The following HSD17B12 variants were observed in gnomAD, a reference collection of about 807,000 sequenced individuals.
The protein encoded by HSD17B12 is very-long-chain 3-oxoacyl-CoA reductase.
A neutral mutation model predicts 39.3 loss-of-function variants in HSD17B12; 32 were observed. The observed-to-expected ratio is 0.81, with a 90% confidence interval of 0.61 to 1.09. The LOEUF is 1.09. HSD17B12 is among the 50% of genes least tolerant of loss of function. HSD17B12 has a pLI of 0.00. For missense variants in HSD17B12, 342 were observed against 382.9 expected (o/e 0.89, Z 0.89); for synonymous variants, 150 against 146.7 (o/e 1.02, Z -0.16).
chr11:43,758,088 A>G (rs1950527553), intron 3 of HSD17B12, among the ~76,000 whole-genome samples: 1 of 152,210 alleles, frequency 6.6e-6, no homozygotes, highest in Non-Finnish European at 1.5e-5. Flanking sequence ...TCCAAGTTCC[A>G]AGTTTCAGTC....
At chr11:43,580,760 TA>T in the HSD17B12 span, among the ~76,000 whole-genome samples, 1 of 152,048 alleles carries the variant, frequency 6.6e-6, no homozygotes. Flanking sequence ...TGTTCCAGTC[TA>T]GGTTTTGTTG....
intron 4 of HSD17B12, among the ~76,000 whole-genome samples, chr11:43,803,185 G>T (rs1352874350): frequency 6.6e-6 from 1 of 152,004 alleles, no homozygotes; most frequent in Non-Finnish European, 1.5e-5. Context: ...CATTCTTATG[G>T]TTCCTTCACT....
At chr11:43,663,894 G>T in the HSD17B12 span, among the ~76,000 whole-genome samples, 24 of 149,680 alleles carry the variant, frequency 1.6e-4, no homozygotes, top group African/African-American at 5.9e-4. Flanking sequence ...ATGGAGTCTC[G>T]CCCTGTTGCC....
chr11:43,817,559 A>G (rs1178813238), intron 6 of HSD17B12, among the ~76,000 whole-genome samples: 5 of 152,194 alleles, frequency 3.3e-5, no homozygotes, highest in Non-Finnish European at 7.3e-5. Context: ...TCATTCTGCT[A>G]CATGTGGCTT....
At chr11:43,581,141 C>T in the HSD17B12 span, among the ~76,000 whole-genome samples, 1 of 152,116 alleles carries the variant, frequency 6.6e-6, no homozygotes, top group Non-Finnish European at 1.5e-5. This position sits in a 1 kb window ranked among gnomAD's most constrained non-coding sequence, Gnocchi z 4.9. Flanking sequence ...GGAGGCTGGG[C>T]TCCGGGATCC....
chr11:43,795,906 A>AG (rs1189667330), intron 3 of HSD17B12, among the ~76,000 whole-genome samples: 1 of 152,042 alleles, frequency 6.6e-6, no homozygotes, highest in African/African-American at 2.4e-5. Context: ...GGGCATGAGG[A>AG]GTGCTGGGGG....
chr11:43,823,363 T>C (rs192979098), intron 6 of HSD17B12, among the ~76,000 whole-genome samples: 12 of 152,272 alleles, frequency 7.9e-5, no homozygotes, highest in Admixed American at 5.2e-4. Context: ...GTCAAACTAC[T>C]GGGCTCAAGC....
At chr11:43,781,054 A>G (rs968016895) in intron 3 of HSD17B12, among the ~76,000 whole-genome samples, 1 of 152,184 alleles carries the variant, frequency 6.6e-6, no homozygotes, top group Non-Finnish European at 1.5e-5. Context: ...GGTAACAAAT[A>G]TAAGCATTCT....
chr11:43,825,814 C>G (rs1951229627), intron 6 of HSD17B12, among the ~76,000 whole-genome samples: 1 of 152,190 alleles, frequency 6.6e-6, no homozygotes, highest in Admixed American at 6.5e-5. Context: ...TTGTTTTCTT[C>G]TTCCAAAAAT....
At chr11:43,845,276 A>G (rs1951464582) in intron 9 of HSD17B12, among the ~76,000 whole-genome samples, 1 of 152,196 alleles carries the variant, frequency 6.6e-6, no homozygotes, top group African/African-American at 2.4e-5. Flanking sequence ...GAGCCACCAC[A>G]CCCAACCAGA....
At chr11:43,622,967 T>A in the HSD17B12 span, among the ~76,000 whole-genome samples, 2 of 152,178 alleles carry the variant, frequency 1.3e-5, no homozygotes, top group Non-Finnish European at 2.9e-5. Flanking sequence ...ACTTTTTTTT[T>A]AATCTCAACT....
the HSD17B12 span, among the ~76,000 whole-genome samples, chr11:43,594,125 T>G: frequency 8.5e-5 from 13 of 152,332 alleles, no homozygotes; most frequent in East Asian, 1.7e-3. Flanking sequence ...ATAATTGGAT[T>G]AAGGATTTTC....
chr11:43,750,959 T>C lies in HSD17B12; in HGVS notation c.207+2T>C. On this transcript the variant is annotated splice_donor_variant, in intron 2 of 10. Transcript: ENST00000278353. LOFTEE classifies it high-confidence loss of function. ...ATTGGAAAATCATATGCAGAAGAGG[T>C]AGGTGATTTTCAAGATCTTTCCTTT... The C allele has an allele frequency of 3.2e-6, 5 of 1,580,708 alleles. No homozygotes were observed. Among genetic ancestry groups the C allele is most frequent in the Non-Finnish European group, 4.3e-6 (5 of 1,155,836 alleles).
chr11:43,598,574 T>C, the HSD17B12 span, among the ~76,000 whole-genome samples: 1 of 152,150 alleles, frequency 6.6e-6, no homozygotes, highest in Admixed American at 6.5e-5. Flanking sequence ...CTTCTCTTCC[T>C]GCTTTGTTTT....
chr11:43,753,573 A>T (rs866165322), intron 2 of HSD17B12, among the ~76,000 whole-genome samples: 25 of 140,962 alleles, frequency 1.8e-4, no homozygotes, highest in Middle Eastern at 7.2e-3. Flanking sequence ...AAAAAAAAAA[A>T]TTTTTTTTTT....
At chr11:43,623,158 G>A in the HSD17B12 span, among the ~76,000 whole-genome samples, 1 of 152,062 alleles carries the variant, frequency 6.6e-6, no homozygotes, top group Non-Finnish European at 1.5e-5. Context: ...TAGATCTTGT[G>A]ACTGAAGCTT....
intron 1 of HSD17B12, among the ~76,000 whole-genome samples, chr11:43,706,299 T>A (rs1263234195): frequency 1.3e-5 from 2 of 152,184 alleles, no homozygotes; most frequent in African/African-American, 2.4e-5. Flanking sequence ...ATCTCAGCAC[T>A]TTGGGAGGCC....
the HSD17B12 span, among the ~76,000 whole-genome samples, chr11:43,653,992 C>T: frequency 4.6e-5 from 7 of 151,338 alleles, no homozygotes; most frequent in Non-Finnish European, 8.9e-5. Flanking sequence ...AATGGTTGAA[C>T]TACTTTACGG....
chr11:43,558,071 A>T, the HSD17B12 span, among the ~76,000 whole-genome samples: 1 of 152,202 alleles, frequency 6.6e-6, no homozygotes, highest in African/African-American at 2.4e-5. Flanking sequence ...GGTGGTTATC[A>T]ACAAGTGTTT....
Sources: gnomAD v4.1 joint callset for allele counts (sites outside exome capture counted in the v4.1 genomes callset) on GRCh38, gnomAD v4.1.1 for gene constraint, Gnocchi (gnomAD v3.1) non-coding constraint, MANE v1.5 for transcripts, NCBI Gene and HGNC (gene_info 2026-07-23, HGNC 2026-07-21) for gene names.